The following CLDN10 variants were observed in gnomAD, a reference collection of about 807,000 sequenced individuals.
CLDN10 encodes claudin-10.
A neutral mutation model predicts 22.9 loss-of-function variants in CLDN10; 15 were observed. The observed-to-expected ratio is 0.65, with a 90% confidence interval of 0.44 to 1.01. CLDN10 has a LOEUF of 1.01. Among genes scored for constraint, CLDN10 ranks in the 50% least tolerant of loss-of-function variants. The pLI is 0.00. For missense variants in CLDN10, 247 were observed against 287.8 expected (o/e 0.86, Z 1.03); for synonymous variants, 114 against 111.4 (o/e 1.02, Z -0.15).
At chr13:95,442,395 G>C (rs980116887) in intron 1 of CLDN10, among the ~76,000 whole-genome samples, 4 of 152,190 alleles carry the variant, frequency 2.6e-5, no homozygotes, top group African/African-American at 9.7e-5. Context: ...TTTGCTGCGT[G>C]TCTTGTCATA....
At chr13:95,485,795 G>A (rs2138505242) in intron 1 of CLDN10, among the ~76,000 whole-genome samples, 1 of 152,312 alleles carries the variant, frequency 6.6e-6, no homozygotes, top group Middle Eastern at 3.4e-3. Context: ...CTCCTCTGGG[G>A]TGACTTTCCT....
Position 95,560,445 on chromosome 13 carries a change from C to G in CLDN10, c.446C>G (p.Pro149Arg), listed in dbSNP as rs2043693455. The G allele has an allele frequency of 3.7e-6, 6 of 1,613,590 alleles. No individual in the cohort carries two copies. Among genetic ancestry groups the G allele is most frequent in the Non-Finnish European group, 5.1e-6 (6 of 1,179,558 alleles). ...AAAATCACAACGGAATTCTTTGATC[C>G]TCTCTTTGTTGAGCAAAAGTAAGTA... ...ANKITTEFFD[P>R]LFVEQKYELG... Residue 149 changes from proline to arginine, a missense_variant, in exon 3 of 5, where the codon CCT becomes CGT. Coordinates refer to ENST00000299339, the MANE Select transcript of CLDN10 (RefSeq NM_006984.5).
At chr13:95,513,787 A>T (rs964580502) in intron 1 of CLDN10, among the ~76,000 whole-genome samples, 1 of 149,554 alleles carries the variant, frequency 6.7e-6, no homozygotes, top group Admixed American at 6.6e-5. Flanking sequence ...CTGTCTATAA[A>T]ATCTGTGTCT....
At chr13:95,435,691 T>A (rs1368647441) in intron 1 of CLDN10, among the ~76,000 whole-genome samples, 1 of 152,202 alleles carries the variant, frequency 6.6e-6, no homozygotes, top group Non-Finnish European at 1.5e-5. Context: ...CTCTTGTCAC[T>A]CTGCACCTCT....
rs539896666 is a variant in CLDN10, at chr13:95,443,229, T to C, written c.214+9182T>C. Among the ~76,000 whole-genome samples the C allele has an allele frequency of 2.6e-5, 4 of 152,328 alleles. No homozygotes were observed. The South Asian group carries it at 8.3e-4, about 32-fold the overall frequency. On this transcript the variant is annotated intron_variant, in intron 1 of 4. Transcript: ENST00000376873. ...TTGGCCATGTTTTGTGGACCTTAGG[T>C]GAATCCCTGGCATTTGCCCTTGTTT...
intron 1 of CLDN10, among the ~76,000 whole-genome samples, chr13:95,484,612 G>T (rs1375655983): frequency 1.3e-5 from 2 of 151,440 alleles, no homozygotes; most frequent in Non-Finnish European, 2.9e-5. Context: ...GGAGGCCAAG[G>T]TGGGCAGATC....
chr13:95,455,054 G>A (rs1195501795), intron 1 of CLDN10, among the ~76,000 whole-genome samples: 1 of 152,128 alleles, frequency 6.6e-6, no homozygotes. Context: ...GAGTACAACT[G>A]TAATCCCAGC....
chr13:95,561,718 G>A (rs2138661165), intron 3 of CLDN10, among the ~76,000 whole-genome samples: 1 of 149,760 alleles, frequency 6.7e-6, no homozygotes, highest in East Asian at 2.0e-4. Flanking sequence ...TGTAATTTTT[G>A]TGACAATATG....
At chr13:95,512,716 G>C (rs2043117912) in intron 1 of CLDN10, among the ~76,000 whole-genome samples, 1 of 152,146 alleles carries the variant, frequency 6.6e-6, no homozygotes. Flanking sequence ...AATCAGGCTA[G>C]AGCACTGCAC....
At chr13:95,511,627 CT>C (rs113267075) in intron 1 of CLDN10, among the ~76,000 whole-genome samples, 52 of 139,452 alleles carry the variant, frequency 3.7e-4, no homozygotes, top group East Asian at 8.3e-4. Context: ...ATTCTCTCTC[CT>C]TTTTTTTTTT....
chr13:95,456,543 A>C (rs1456726881), intron 1 of CLDN10, among the ~76,000 whole-genome samples: 1 of 152,204 alleles, frequency 6.6e-6, no homozygotes, highest in Non-Finnish European at 1.5e-5. Flanking sequence ...GCTTAAGGCC[A>C]GGAGTTCAAG....
At chr13:95,474,438 C>A (rs1184631086) in intron 1 of CLDN10, among the ~76,000 whole-genome samples, 1 of 152,192 alleles carries the variant, frequency 6.6e-6, no homozygotes, top group Non-Finnish European at 1.5e-5. Context: ...TCCTAACAGG[C>A]CACAGACTGG....
intron 1 of CLDN10, among the ~76,000 whole-genome samples, chr13:95,499,121 TC>T (rs1473292497): frequency 1.7e-4 from 26 of 152,252 alleles, no homozygotes; most frequent in African/African-American, 6.3e-4. Flanking sequence ...TATCCATTAA[TC>T]CGTCCATGCC....
chr13:95,461,285 G>A (rs1243607038), intron 1 of CLDN10, among the ~76,000 whole-genome samples: 1 of 152,154 alleles, frequency 6.6e-6, no homozygotes, highest in African/African-American at 2.4e-5. Flanking sequence ...GACCTTGAGT[G>A]GAGCTCAGCT....
chr13:95,546,719 AAC>A (rs2043513134), intron 1 of CLDN10, among the ~76,000 whole-genome samples: 1 of 152,160 alleles, frequency 6.6e-6, no homozygotes. Flanking sequence ...TGCATTTGGT[AAC>A]AGACACTAGA....
At chr13:95,462,207 T>C (rs1323710912) in intron 1 of CLDN10, among the ~76,000 whole-genome samples, 2 of 152,236 alleles carry the variant, frequency 1.3e-5, no homozygotes, top group Non-Finnish European at 2.9e-5. Flanking sequence ...CCTGCATTAA[T>C]TAATCATAAT....
At chr13:95,551,654 C>T (rs1015085579), upstream of CLDN10, among the ~76,000 whole-genome samples, 1 of 152,166 alleles carries the variant, frequency 6.6e-6, no homozygotes, top group Admixed American at 6.5e-5. Context: ...AGGTTTTAGA[C>T]CTTTCCTTAC....
intron 1 of CLDN10, among the ~76,000 whole-genome samples, chr13:95,536,993 T>C (rs186600232): frequency 1.3e-5 from 2 of 152,362 alleles, no homozygotes; most frequent in African/African-American, 2.4e-5. Context: ...CTGTTGTGTG[T>C]GTGCTAATTA....
At chr13:95,464,551 G>A (rs76260959) in intron 1 of CLDN10, among the ~76,000 whole-genome samples, 16,016 of 152,016 alleles carry the variant, frequency 0.11, 1,017 homozygotes, top group South Asian at 0.22. Context: ...GAGTAGTGCC[G>A]CAATAAACAT....
Sources: allele counts gnomAD v4.1 joint callset (sites outside exome capture counted in the v4.1 genomes callset), GRCh38; gene constraint gnomAD v4.1.1; transcripts MANE v1.5; gene names NCBI Gene and HGNC (gene_info 2026-07-23, HGNC 2026-07-21).